TFEB: variants seen among roughly 807,000 people sequenced by gnomAD.
TFEB encodes the protein T-cell transcription factor EB.
In TFEB, 12 loss-of-function variants were observed where a neutral mutation model predicts 48.0. The ratio of observed to expected loss-of-function variants is 0.25; its 90% CI spans 0.16 to 0.40. The LOEUF is 0.40. Among genes scored for constraint, TFEB ranks in the 10% least tolerant of loss-of-function variants. The probability of loss-of-function intolerance (pLI) is 1.00; values close to 1 mark genes in which losing one functional copy is unlikely to be tolerated. For synonymous variants in TFEB, 244 were observed against 261.4 expected (o/e 0.93, Z 0.64); for missense variants, 509 against 640.3 (o/e 0.79, Z 2.21).
chr6:41,706,339 A>G (rs1016117005), intron 1 of TFEB, among the ~76,000 whole-genome samples: 24 of 152,296 alleles, frequency 1.6e-4, no homozygotes, highest in African/African-American at 5.1e-4. Flanking sequence ...CACCCTGTGC[A>G]GTGTCTGGCA....
intron 1 of TFEB, among the ~76,000 whole-genome samples, chr6:41,710,943 G>A (rs1356718320): frequency 6.6e-6 from 1 of 152,226 alleles, no homozygotes; most frequent in Non-Finnish European, 1.5e-5. Flanking sequence ...TTCTGTGTCT[G>A]AAACAGGAAT....
intron 1 of TFEB, among the ~76,000 whole-genome samples, chr6:41,717,103 C>A (rs1178653185): frequency 6.6e-6 from 1 of 152,126 alleles, no homozygotes; most frequent in Non-Finnish European, 1.5e-5. Context: ...ACACCAACTC[C>A]CAGCAGGAAA....
rs78882358 is a variant in TFEB at position 41,724,749 on chromosome 6, C to T, written c.-23+10601G>A. Among the ~76,000 whole-genome samples, 2,514 of 152,270 alleles carry T rather than the reference C, an allele frequency of 0.017. 55 individuals carry two copies. Among genetic ancestry groups the T allele is most frequent in the African/African-American group, 0.054 (2,228 of 41,540 alleles). On this transcript the variant is annotated intron_variant, in intron 1 of 8. Coordinates refer to ENST00000373033, the MANE Select transcript of TFEB (RefSeq NM_001271944.2). The surrounding 1 kb of genome is among the most constrained non-coding windows in gnomAD (Gnocchi z 4.4). ...TTGGAAATGTTTTTGTCCTGGGCCC[C>T]AAGGCTCCCAGAGAACCCCTCATTT... is the stretch of plus-strand genomic sequence containing the variant.
At chr6:41,686,297 C>A in intron 7 of TFEB, 60 bp from the exon 8 acceptor site, 1 of 1,598,008 alleles carries the variant, frequency 6.3e-7, no homozygotes, top group African/African-American at 1.3e-5. Flanking sequence ...CAAATCCTTG[C>A]TACTGCTCTG....
rs1450536761 is a variant in TFEB at position 41,691,309 on chromosome 6, C to T, written c.-22-74G>A. On this transcript the variant is annotated intron_variant, in intron 1 of 8. Transcript: ENST00000373033. This position sits in a 1 kb window ranked among gnomAD's most constrained non-coding sequence, Gnocchi z 5.2. ...AAGCACAGGGGCTGGCAGGGGGAGG[C>T]CAGAATGACTGGGACCGCATCCATT... 4 of 1,428,804 alleles carry T rather than the reference C, an allele frequency of 2.8e-6. No homozygotes were observed. The highest frequency in any genetic ancestry group is 2.5e-5 in the East Asian group (1 of 40,336). 88.5% of individuals were successfully genotyped at this position (1,428,804 alleles called of 1,614,324 possible). A position where few individuals can be genotyped will look rare whatever the true frequency, so the allele number is the denominator to read the frequency against.
intron 1 of TFEB, among the ~76,000 whole-genome samples, chr6:41,728,128 T>G (rs777748726): frequency 1.3e-5 from 2 of 152,204 alleles, no homozygotes; most frequent in Non-Finnish European, 2.9e-5. Context: ...GTTTAGTACA[T>G]TAGTCTACAC....
chr6:41,693,420 T>G (rs1366415389), intron 1 of TFEB, among the ~76,000 whole-genome samples: 1 of 152,108 alleles, frequency 6.6e-6, no homozygotes, highest in East Asian at 1.9e-4. Context: ...CACAGGAGAT[T>G]AAGTGTCTTT....
rs183896059 is a variant in TFEB, at chr6:41,710,642, C to T, written c.-22-19407G>A. ...CTGCTCCATCACCCCCAATTGCTCT[C>T]CACTACCTACCAGATAAAGTCCAAG... is the stretch of plus-strand genomic sequence containing the variant. On this transcript the variant is annotated intron_variant, in intron 1 of 8. Coordinates refer to ENST00000373033, the MANE Select transcript of TFEB (RefSeq NM_001271944.2). Among the ~76,000 whole-genome samples the T allele has an allele frequency of 3.9e-5, 6 of 152,284 alleles. No individual in the cohort carries two copies. The East Asian group carries it at 5.8e-4, about 15-fold the overall frequency.
Position 41,687,999 on chromosome 6 carries a change from C to G in TFEB, c.579G>C (p.Val193=). 6.2e-7 allele frequency: 1 copy of G among 1,613,240 alleles called. No homozygotes were observed. Among genetic ancestry groups the G allele is most frequent in the African/African-American group, 1.3e-5 (1 of 74,996 alleles). The change falls in exon 5 of 9, where the codon GTG becomes GTC. Residue 193 remains valine, a synonymous_variant. Transcript: ENST00000373033. ...CTGTGACCTGGGGGTCGCTGCTGTACACATTCAGGTGGCTGCTGGACAGGG... is the reference window on the plus strand; with the variant it reads ...CTGTGACCTGGGGGTCGCTGCTGTAGACATTCAGGTGGCTGCTGGACAGGG... ...TLPLSSSHLN[V]YSSDPQVTAS...
chr6:41,736,159 C>T, upstream of TFEB: 1 of 1,612,910 alleles, frequency 6.2e-7, no homozygotes, highest in Non-Finnish European at 8.5e-7. Context: ...CCTGAGCTTG[C>T]TGTCATGTTG....
chr6:41,686,434 T>C, intron 7 of TFEB, 197 bp from the exon 8 acceptor site: 1 of 575,816 alleles, frequency 1.7e-6, no homozygotes, highest in East Asian at 2.9e-5. Context: ...GCCCACTTCA[T>C]TAATCTCATG....
In TFEB at chr6:41,734,234, C is replaced by T. The variant is rs1171108273; in HGVS notation, c.-23+1116G>A. On this transcript the variant is annotated intron_variant, in intron 1 of 8. Transcript: ENST00000373033. This position sits in a 1 kb window ranked among gnomAD's most constrained non-coding sequence, Gnocchi z 4.0. ...GGAAGGCGCAGCGGCCAGGGGCTGG[C>T]GGAGAGCGGAGGGCGGGGGCCTGGG... is the stretch of plus-strand genomic sequence containing the variant. 9.7e-6 allele frequency: 5 copies of T among 514,940 alleles called. No homozygotes were observed. The highest frequency in any genetic ancestry group is 9.8e-4 in the Middle Eastern group (1 of 1,016). The allele number at this position is 514,940 out of a possible 1,614,324, so 31.9% of individuals were successfully genotyped here. A position where few individuals can be genotyped will look rare whatever the true frequency, so the allele number is the denominator to read the frequency against.
In TFEB at chr6:41,714,138, TGC is replaced by T. The variant is rs1270614450; in HGVS notation, c.-23+21210_-23+21211del. On this transcript the variant is annotated intron_variant, in intron 1 of 8. Coordinates refer to ENST00000373033, the MANE Select transcript of TFEB (RefSeq NM_001271944.2). ...GTGTGTGTGTGTGCGTGTGCATGTGTGCGTGTGTGTGCATGTGCATGCGTGTG... is the reference window on the plus strand; with the variant it reads ...GTGTGTGTGTGTGCGTGTGCATGTGTGTGTGTGTGCATGTGCATGCGTGTG... 1.2e-3 allele frequency among the ~76,000 whole-genome samples: 143 copies of T among 116,556 alleles called. 1 individual carries two copies. Among genetic ancestry groups the T allele is most frequent in the Admixed American group, 4.0e-3 (49 of 12,132 alleles). 76.5% of individuals were successfully genotyped at this position (116,556 alleles called of 152,430 possible).
intron 1 of TFEB, among the ~76,000 whole-genome samples, chr6:41,701,926 C>G (rs1250358579): frequency 2.9e-5 from 4 of 138,398 alleles, no homozygotes; most frequent in Admixed American, 1.6e-4. Context: ...GCCTGGGCGA[C>G]AGAGCAAGGC....
At chr6:41,712,107 T>C (rs1030602313) in intron 1 of TFEB, among the ~76,000 whole-genome samples, 33 of 152,128 alleles carry the variant, frequency 2.2e-4, no homozygotes, top group African/African-American at 7.0e-4. Flanking sequence ...ACAGTGCAGG[T>C]AGAGCAGGGA....
chr6:41,731,516 G>A (rs186489381), intron 1 of TFEB, among the ~76,000 whole-genome samples: 8 of 146,776 alleles, frequency 5.5e-5, no homozygotes, highest in Middle Eastern at 3.4e-3. Flanking sequence ...CTTCCTCCCC[G>A]GTGCCTTTGG....
At chr6:41,703,679 T>C (rs1770054334) in intron 1 of TFEB, among the ~76,000 whole-genome samples, 2 of 152,318 alleles carry the variant, frequency 1.3e-5, no homozygotes, top group Admixed American at 1.3e-4. Context: ...GCATGGACGA[T>C]TGCATTGAAT....
intron 1 of TFEB, among the ~76,000 whole-genome samples, chr6:41,700,183 G>A (rs923118158): frequency 6.6e-6 from 1 of 152,036 alleles, no homozygotes. Context: ...AGAAACAAAA[G>A]AGGCTGGGCG....
In TFEB at chr6:41,723,582, G is replaced by A; in HGVS notation, c.-23+11768C>T. The A allele has an allele frequency of 1.6e-6, 2 of 1,242,764 alleles. No homozygotes were observed. The highest frequency in any genetic ancestry group is 2.1e-6 in the Non-Finnish European group (2 of 965,396). 77.0% of individuals were successfully genotyped at this position (1,242,764 alleles called of 1,614,324 possible). ...CAGTTTCCTCATTTCCCCGGCGGCT[G>A]CTGTTTCTCACCCAGCCCCCTGCAC... On this transcript the variant is annotated intron_variant, in intron 1 of 8. Coordinates refer to ENST00000373033, the MANE Select transcript of TFEB (RefSeq NM_001271944.2). The surrounding 1 kb of genome is among the most constrained non-coding windows in gnomAD (Gnocchi z 6.0).
Sources: gnomAD v4.1 joint callset for allele counts (sites outside exome capture counted in the v4.1 genomes callset) on GRCh38, gnomAD v4.1.1 for gene constraint, Gnocchi (gnomAD v3.1) non-coding constraint, MANE v1.5 for transcripts, NCBI Gene and HGNC (gene_info 2026-07-23, HGNC 2026-07-21) for gene names.